Variants in PPM1L observed in about 807,000 individuals in gnomAD.
PPM1L encodes the protein protein phosphatase, Mg2+/Mn2+ dependent 1L, also known as protein phosphatase 1L.
Under a neutral mutation model 31.4 loss-of-function variants are expected in PPM1L, and 13 were observed. The ratio of observed to expected loss-of-function variants is 0.41; its 90% CI spans 0.27 to 0.66. The LOEUF is 0.66. Ranked by LOEUF, PPM1L falls within the 30% of genes least tolerant of loss-of-function variation. The pLI, the probability that PPM1L is intolerant of heterozygous loss-of-function variation, is 0.29. For missense variants in PPM1L, 326 were observed against 453.7 expected, an observed-to-expected ratio of 0.72 and a Z score of 2.56; for synonymous variants, 184 against 175.4, an observed-to-expected ratio of 1.05 and a Z score of -0.39.
chr3:160,887,295 C>T (rs1367448624), intron 1 of PPM1L, among the ~76,000 whole-genome samples: 1 of 152,036 alleles, frequency 6.6e-6, no homozygotes, highest in Admixed American at 6.5e-5. Context: ...CTTCAGGATA[C>T]ATCCAGGAGA....
At chr3:160,860,393 G>C (rs1711847644) in intron 1 of PPM1L, among the ~76,000 whole-genome samples, 1 of 152,090 alleles carries the variant, frequency 6.6e-6, no homozygotes, top group Non-Finnish European at 1.5e-5. Flanking sequence ...CATGAAGAAG[G>C]CAACTGAATG....
chr3:160,777,997 G>T (rs1711609769), intron 1 of PPM1L, among the ~76,000 whole-genome samples: 1 of 152,074 alleles, frequency 6.6e-6, no homozygotes, highest in Non-Finnish European at 1.5e-5. Context: ...GTGCACAAAG[G>T]TTCAGTTTCT....
intron 1 of PPM1L, among the ~76,000 whole-genome samples, chr3:160,812,307 T>C (rs550605193): frequency 6.6e-6 from 1 of 152,314 alleles, no homozygotes; most frequent in Admixed American, 6.5e-5. Context: ...TCCTAACTGT[T>C]CCTTTCCTAA....
At chr3:160,844,745 T>C (rs1439965277) in intron 1 of PPM1L, among the ~76,000 whole-genome samples, 1 of 152,156 alleles carries the variant, frequency 6.6e-6, no homozygotes, top group Non-Finnish European at 1.5e-5. Flanking sequence ...TATTGAAATA[T>C]AATTAACATA....
chr3:161,018,802 A>G (rs74405062), intron 2 of PPM1L, among the ~76,000 whole-genome samples: 2,825 of 152,288 alleles, frequency 0.019, 79 homozygotes, highest in African/African-American at 0.063. Flanking sequence ...AGAACTGCAC[A>G]TTTTCCAAGG....
chr3:161,033,595 G>T (rs1718647095), intron 2 of PPM1L, among the ~76,000 whole-genome samples: 2 of 152,168 alleles, frequency 1.3e-5, no homozygotes, highest in Admixed American at 1.3e-4. Flanking sequence ...ATGGGGAAAG[G>T]ATTCCCTATT....
chr3:160,855,784 C>T (rs1711681579), intron 1 of PPM1L, among the ~76,000 whole-genome samples: 1 of 152,134 alleles, frequency 6.6e-6, no homozygotes, highest in Non-Finnish European at 1.5e-5. Flanking sequence ...GTTTCAGCTA[C>T]TGTGGAAAAC....
In PPM1L at chr3:160,944,802, C is replaced by CATATATTATATTATATATGTT. The variant is rs1553748137; in HGVS notation, c.400-16928_400-16927insTATATTATATATGTTATATAT. 1.3e-3 allele frequency among the ~76,000 whole-genome samples: 19 copies of CATATATTATATTATATATGTT among 14,334 alleles called. 3 individuals are homozygous for CATATATTATATTATATATGTT. Among genetic ancestry groups the CATATATTATATTATATATGTT allele is most frequent in the Admixed American group, 3.6e-3 (4 of 1,116 alleles). The allele number at this position is 14,334 out of a possible 152,430, so 9.4% of individuals were successfully genotyped here. On this transcript the variant is annotated intron_variant, in intron 1 of 3. Transcript: ENST00000498165. The stretch of plus-strand genomic sequence containing the variant: ...ATTATATTATATATGTTATATATAA[C>CATATATTATATTATATATGTT]ATATATAACATATATATGTTATATA...
chr3:160,819,646 C>T (rs1057066938), intron 1 of PPM1L, among the ~76,000 whole-genome samples: 1 of 151,908 alleles, frequency 6.6e-6, no homozygotes, highest in African/African-American at 2.4e-5. Flanking sequence ...ACTTACATTC[C>T]AGAGGGGACA....
intron 1 of PPM1L, among the ~76,000 whole-genome samples, chr3:160,782,167 G>T (rs1213403673): frequency 2.7e-5 from 4 of 145,958 alleles, no homozygotes; most frequent in South Asian, 4.4e-4. Context: ...TATTCTGTTT[G>T]TTTTTTTTTT....
At chr3:160,992,301 G>A (rs150168941) in intron 2 of PPM1L, among the ~76,000 whole-genome samples, 249 of 152,258 alleles carry the variant, frequency 1.6e-3, no homozygotes, top group African/African-American at 5.8e-3. Flanking sequence ...TGCTGTTACA[G>A]CTTTATTCTT....
chr3:160,881,156 C>T (rs916377271), intron 1 of PPM1L, among the ~76,000 whole-genome samples: 1 of 152,190 alleles, frequency 6.6e-6, no homozygotes, highest in African/African-American at 2.4e-5. Context: ...TATATTTAGG[C>T]ACTAAGGAGT....
chr3:160,920,824 C>T (rs1399027671), intron 1 of PPM1L, among the ~76,000 whole-genome samples: 1 of 152,024 alleles, frequency 6.6e-6, no homozygotes, highest in Admixed American at 6.6e-5. Flanking sequence ...TAACATGATC[C>T]AATTGTAGTG....
chr3:160,778,666 A>C (rs1032921435), intron 1 of PPM1L, among the ~76,000 whole-genome samples: 7 of 152,196 alleles, frequency 4.6e-5, no homozygotes, highest in African/African-American at 1.7e-4. Context: ...ATTTGCCCTC[A>C]CAAGGGGATT....
chr3:160,943,131 T>C (rs1474001071), intron 1 of PPM1L, among the ~76,000 whole-genome samples: 1 of 152,156 alleles, frequency 6.6e-6, no homozygotes, highest in Non-Finnish European at 1.5e-5. Flanking sequence ...GAAACAGGAT[T>C]ATCTGCCAAT....
chr3:161,010,379 T>C (rs2108061929), intron 2 of PPM1L, among the ~76,000 whole-genome samples: 1 of 152,306 alleles, frequency 6.6e-6, no homozygotes, highest in South Asian at 2.1e-4. Flanking sequence ...CTGCATAGTA[T>C]TCCATGGTGT....
chr3:161,030,440 C>T (rs1363532249), intron 2 of PPM1L, among the ~76,000 whole-genome samples: 1 of 152,130 alleles, frequency 6.6e-6, no homozygotes, highest in Non-Finnish European at 1.5e-5. Flanking sequence ...ACTGAATTTG[C>T]CAGGACCTAG....
At chr3:160,836,187 G>C (rs898330284) in intron 1 of PPM1L, among the ~76,000 whole-genome samples, 2 of 152,270 alleles carry the variant, frequency 1.3e-5, no homozygotes, top group African/African-American at 4.8e-5. Context: ...TAAGAAGTAG[G>C]AAGCTGCTCT....
intron 2 of PPM1L, among the ~76,000 whole-genome samples, chr3:160,966,440 T>A (rs973342450): frequency 6.6e-6 from 1 of 152,180 alleles, no homozygotes; most frequent in Non-Finnish European, 1.5e-5. Flanking sequence ...TTTTATATCC[T>A]GCTTTTTGCA....
Sources: allele counts gnomAD v4.1 joint callset (sites outside exome capture counted in the v4.1 genomes callset), GRCh38; gene constraint gnomAD v4.1.1; transcripts MANE v1.5; gene names NCBI Gene and HGNC (gene_info 2026-07-23, HGNC 2026-07-21).